RYR2: variants seen among roughly 807,000 people sequenced by gnomAD.
RYR2 encodes the protein cardiac muscle ryanodine receptor-calcium release channel.
In RYR2, 227 loss-of-function variants were observed where a neutral mutation model predicts 601.1. That is an observed-to-expected ratio of 0.38 (90% CI 0.34 to 0.42). The LOEUF (loss-of-function observed/expected upper bound fraction) is 0.42. RYR2 is among the 10% of genes least tolerant of loss of function. The pLI is 1.00. For missense variants in RYR2, 4,646 were observed against 6,156.5 expected, an observed-to-expected ratio of 0.75 and a Z score of 8.21; for synonymous variants, 2,223 against 2,175.1, an observed-to-expected ratio of 1.02 and a Z score of -0.61.
At chr1:237,154,085 T>C (rs1675036012) in intron 1 of RYR2, among the ~76,000 whole-genome samples, 1 of 152,200 alleles carries the variant, frequency 6.6e-6, no homozygotes, top group Admixed American at 6.5e-5. Flanking sequence ...CTGGGCTGCA[T>C]TGCAGTCACA....
In RYR2 at chr1:237,595,663, C is replaced by T. The variant is rs766080208; in HGVS notation, c.4596+6C>T. The T allele has an allele frequency of 1.5e-5, 24 of 1,605,686 alleles. 1 individual carries two copies. Among genetic ancestry groups the T allele is most frequent in the East Asian group, 9.0e-5 (4 of 44,574 alleles). On this transcript the variant is annotated splice_donor_region_variant and intron_variant, in intron 34 of 104. Transcript: ENST00000366574. ...AACTGAGCACATACTATCAGGTACG[C>T]GGTCAGTGATGATATCAGTCTTCTA...
At chr1:237,191,619 A>G (rs926110404) in intron 1 of RYR2, among the ~76,000 whole-genome samples, 1 of 152,170 alleles carries the variant, frequency 6.6e-6, no homozygotes, top group Non-Finnish European at 1.5e-5. Context: ...AGGCTGGATA[A>G]AAGAACGGCA....
Position 237,518,763 on chromosome 1 carries a change from C to T in RYR2, c.2822+6972C>T, listed in dbSNP as rs575264130. ...TTTGATATATGGATTTCTTTTCCTT[C>T]GGGTAGATATCCAATAGTAGGATTA... On this transcript the variant is annotated intron_variant, in intron 24 of 104. Coordinates refer to ENST00000366574, the MANE Select transcript of RYR2 (RefSeq NM_001035.3). Among the ~76,000 whole-genome samples, 16 of 152,224 alleles carry T rather than the reference C, an allele frequency of 1.1e-4. No individual in the cohort carries two copies. The Middle Eastern group carries it at 0.01, about 97-fold the overall frequency.
At chr1:237,832,355 A>T (rs1160641189) in intron 104 of RYR2, among the ~76,000 whole-genome samples, 197 bp from the exon 105 acceptor site, 1 of 151,968 alleles carries the variant, frequency 6.6e-6, no homozygotes, top group Admixed American at 6.6e-5. Context: ...CCCAGCCAAC[A>T]TATTTTTATC....
At position 237,121,807 on chromosome 1, in the gene RYR2, G is replaced by C. The variant is rs145879616; in HGVS notation, c.48+79238G>C. On this transcript the variant is annotated intron_variant, in intron 1 of 104. Coordinates refer to ENST00000366574, the MANE Select transcript of RYR2 (RefSeq NM_001035.3). ...GTTTGTAAATAGCATCACTATGCTA[G>C]AAGCATTAGTGGAATGTTGTAGATA... 3.0e-3 allele frequency among the ~76,000 whole-genome samples: 464 copies of C among 152,332 alleles called. 1 individual carries two copies. Among genetic ancestry groups the C allele is most frequent in the Middle Eastern group, 0.01 (3 of 294 alleles).
chr1:237,241,205 G>A (rs1004775189), intron 1 of RYR2, among the ~76,000 whole-genome samples: 7 of 152,152 alleles, frequency 4.6e-5, no homozygotes, highest in South Asian at 2.1e-4. Context: ...ACCAGGCTAC[G>A]GGGTTATACT....
At chr1:237,105,334 A>C (rs181668395) in intron 1 of RYR2, among the ~76,000 whole-genome samples, 1 of 152,332 alleles carries the variant, frequency 6.6e-6, no homozygotes, top group East Asian at 1.9e-4. Context: ...GAAGATCGTA[A>C]GTACTCTGGG....
intron 25 of RYR2, among the ~76,000 whole-genome samples, chr1:237,547,864 G>C (rs1669984876): frequency 6.6e-6 from 1 of 152,160 alleles, no homozygotes; most frequent in African/African-American, 2.4e-5. Context: ...TGGTTATATA[G>C]CTGTGATTTT....
In RYR2 at chr1:237,299,621, G is replaced by A. The variant is rs148529510; in HGVS notation, c.168+29005G>A. ...ACAAAATAGTAGGGGCTGGATCTAA[G>A]TATATTATCCCTGAGTGGTGGGTTA... On this transcript the variant is annotated intron_variant, in intron 2 of 104. Transcript: ENST00000366574. Among the ~76,000 whole-genome samples, 350 of 152,246 alleles carry A rather than the reference G, an allele frequency of 2.3e-3. 1 individual carries two copies. The highest frequency in any genetic ancestry group is 6.8e-3 in the Middle Eastern group (2 of 294).
intron 12 of RYR2, among the ~76,000 whole-genome samples, chr1:237,433,338 A>G (rs1419051563): frequency 1.8e-5 from 1 of 56,410 alleles, no homozygotes; most frequent in Non-Finnish European, 3.3e-5. Flanking sequence ...AGAGTAATTG[A>G]TAGTGCTGAT....
chr1:237,532,659 TA>T (rs1668248368), intron 25 of RYR2, among the ~76,000 whole-genome samples: 1 of 152,072 alleles, frequency 6.6e-6, no homozygotes, highest in Non-Finnish European at 1.5e-5. Flanking sequence ...CTCAGAAGAA[TA>T]AGAAAGTAGA....
chr1:237,365,093 C>G (rs1207798903), intron 5 of RYR2, among the ~76,000 whole-genome samples: 1 of 152,062 alleles, frequency 6.6e-6, no homozygotes, highest in Non-Finnish European at 1.5e-5. Flanking sequence ...TTTTTGTATG[C>G]CCACTACCTT....
Position 237,819,271 on chromosome 1 carries a change from G to A in RYR2, c.14590+79G>A. On this transcript the variant is annotated intron_variant, in intron 101 of 104. Coordinates refer to ENST00000366574, the MANE Select transcript of RYR2 (RefSeq NM_001035.3). This position sits in a 1 kb window ranked among gnomAD's most constrained non-coding sequence, Gnocchi z 4.0. ...TGCTGAAGTTAATATTCAAGGTAGG[G>A]TAATGACGTCAAGTGTTTCCTGGCA... 5 of 1,356,496 alleles carry A rather than the reference G, an allele frequency of 3.7e-6. No homozygotes were observed. Among genetic ancestry groups the A allele is most frequent in the East Asian group, 2.3e-5 (1 of 43,332 alleles). 84.0% of individuals were successfully genotyped at this position (1,356,496 alleles called of 1,614,324 possible). A position where few individuals can be genotyped will look rare whatever the true frequency, so the allele number is the denominator to read the frequency against.
intron 1 of RYR2, among the ~76,000 whole-genome samples, chr1:237,153,008 C>A (rs946217604): frequency 6.6e-6 from 1 of 152,074 alleles, no homozygotes; most frequent in Non-Finnish European, 1.5e-5. Flanking sequence ...GAACAGACAC[C>A]AGCAGCCATT....
At chr1:237,520,671 C>A (rs1666998811) in intron 24 of RYR2, among the ~76,000 whole-genome samples, 1 of 152,148 alleles carries the variant, frequency 6.6e-6, no homozygotes, top group African/African-American at 2.4e-5. Flanking sequence ...CTCCTGAAAA[C>A]ATGCAGCCTC....
intron 17 of RYR2, among the ~76,000 whole-genome samples, chr1:237,473,600 C>A (rs910486974): frequency 6.6e-6 from 1 of 151,980 alleles, no homozygotes; most frequent in East Asian, 1.9e-4. Flanking sequence ...TGGTGTTCAG[C>A]TGCAAATAAG....
At chr1:237,066,297 C>T (rs926648664) in intron 1 of RYR2, among the ~76,000 whole-genome samples, 1 of 152,044 alleles carries the variant, frequency 6.6e-6, no homozygotes, top group African/African-American at 2.4e-5. Flanking sequence ...TATGAATAAT[C>T]TTATACAGGC....
In RYR2 at chr1:237,832,636, C is replaced by G. The variant is rs1663933692; in HGVS notation, c.14893C>G (p.Gln4965Glu). The change falls in exon 105 of 105, where the codon CAG becomes GAG. Residue 4965 changes from glutamine (Q) to glutamate (E), a missense_variant. Transcript: ENST00000366574. ...GDCFRKQYED[Q>E]LN ...TTGCTTCCGGAAACAGTATGAAGAC[C>G]AGCTAAATTAAACTCAGACCCAATC... 1 of 1,608,192 alleles carries G rather than the reference C, an allele frequency of 6.2e-7. No homozygotes were observed. The highest frequency in any genetic ancestry group is 8.5e-7 in the Non-Finnish European group (1 of 1,175,626).
At chr1:237,104,112 C>T (rs536881264) in intron 1 of RYR2, among the ~76,000 whole-genome samples, 5 of 152,110 alleles carry the variant, frequency 3.3e-5, no homozygotes, top group Non-Finnish European at 7.3e-5. Flanking sequence ...AGGGGCTTTC[C>T]TCTCGCCCAT....
Sources: allele counts gnomAD v4.1 joint callset (sites outside exome capture counted in the v4.1 genomes callset), GRCh38; gene constraint gnomAD v4.1.1; non-coding constraint Gnocchi (gnomAD v3.1); transcripts MANE v1.5; gene names NCBI Gene and HGNC (gene_info 2026-07-23, HGNC 2026-07-21).